VAV3: variants seen among roughly 807,000 people sequenced by gnomAD.
The protein encoded by VAV3 is guanine nucleotide exchange factor VAV3.
VAV3 carries 94 observed loss-of-function variants against 131.2 expected under a neutral mutation model. The ratio of observed to expected loss-of-function variants is 0.72; its 90% CI spans 0.61 to 0.85. VAV3 has a LOEUF of 0.85. Among genes scored for constraint, VAV3 ranks in the 40% least tolerant of loss-of-function variants. The pLI is 0.00. For synonymous variants in VAV3, 349 were observed against 342.0 expected (o/e 1.02, Z -0.22); for missense variants, 939 against 1,002.7 (o/e 0.94, Z 0.86).
At chr1:107,838,570 G>A (rs897866454) in intron 2 of VAV3, among the ~76,000 whole-genome samples, 10 of 152,142 alleles carry the variant, frequency 6.6e-5, no homozygotes, top group African/African-American at 2.4e-4. Context: ...GAGTCAAGTT[G>A]AACTACCATT....
chr1:107,703,912 G>A (rs1016923578), intron 17 of VAV3, among the ~76,000 whole-genome samples: 4 of 152,148 alleles, frequency 2.6e-5, no homozygotes, highest in African/African-American at 9.7e-5. Context: ...GAGCCCAAGA[G>A]GAGCAGAAAG....
At chr1:107,921,146 G>A (rs1672880480) in intron 1 of VAV3, among the ~76,000 whole-genome samples, 1 of 152,146 alleles carries the variant, frequency 6.6e-6, no homozygotes. Flanking sequence ...TCATCTGCGT[G>A]TCATACACGG....
intron 2 of VAV3, among the ~76,000 whole-genome samples, chr1:107,807,059 T>C (rs1667094382): frequency 6.6e-6 from 1 of 152,146 alleles, no homozygotes. Flanking sequence ...ATGTTTTCCA[T>C]CTCTGGTTGG....
intron 1 of VAV3, among the ~76,000 whole-genome samples, chr1:107,949,841 A>C (rs865870654): frequency 2.0e-5 from 3 of 152,198 alleles, no homozygotes; most frequent in Non-Finnish European, 4.4e-5. Context: ...GCTTTCTCAT[A>C]TTTGAAAGTT....
At chr1:107,585,306 T>C (rs1650397265) in intron 25 of VAV3, among the ~76,000 whole-genome samples, 1 of 152,228 alleles carries the variant, frequency 6.6e-6, no homozygotes, top group African/African-American at 2.4e-5. Context: ...TTACCTTGAT[T>C]GCTGTATGGG....
intron 20 of VAV3, among the ~76,000 whole-genome samples, chr1:107,632,363 C>A (rs1012530417): frequency 6.6e-6 from 1 of 152,156 alleles, no homozygotes; most frequent in African/African-American, 2.4e-5. Context: ...GTGGTAAGCA[C>A]TGCTCTGGTA....
intron 19 of VAV3, among the ~76,000 whole-genome samples, chr1:107,659,572 CTATA>C (rs1237658459): frequency 1.3e-5 from 2 of 152,068 alleles, no homozygotes; most frequent in African/African-American, 4.8e-5. Flanking sequence ...TTTTATTTAA[CTATA>C]TATGTAGATA....
chr1:107,851,834 G>A (rs1294115970), intron 2 of VAV3, among the ~76,000 whole-genome samples: 3 of 152,010 alleles, frequency 2.0e-5, no homozygotes, highest in Non-Finnish European at 2.9e-5. Context: ...TCAGTATAGC[G>A]CCTTGTTTAT....
chr1:107,707,431 C>T (rs999283031), intron 15 of VAV3, among the ~76,000 whole-genome samples: 7 of 152,196 alleles, frequency 4.6e-5, no homozygotes, highest in Non-Finnish European at 7.3e-5. Context: ...ATATATGTAA[C>T]GTGCTTAGAA....
At chr1:107,742,691 A>C (rs1169231354) in intron 15 of VAV3, among the ~76,000 whole-genome samples, 1 of 152,130 alleles carries the variant, frequency 6.6e-6, no homozygotes, top group Non-Finnish European at 1.5e-5. Context: ...TCTAACCATG[A>C]GGTTCAACTT....
chr1:107,635,457 C>T (rs1315441690), intron 20 of VAV3, among the ~76,000 whole-genome samples: 1 of 113,604 alleles, frequency 8.8e-6, no homozygotes, highest in Non-Finnish European at 1.6e-5. Flanking sequence ...ACATCACACA[C>T]TGGGGCCTGT....
chr1:107,677,711 T>C (rs1262847637), intron 19 of VAV3: 1 of 152,106 alleles, frequency 6.6e-6, no homozygotes, highest in African/African-American at 2.4e-5. Context: ...TGGCCCAGAG[T>C]AGGTTCTAAA....
At chr1:107,786,723 T>C (rs1405222205) in intron 2 of VAV3, among the ~76,000 whole-genome samples, 1 of 152,160 alleles carries the variant, frequency 6.6e-6, no homozygotes, top group Non-Finnish European at 1.5e-5. Flanking sequence ...GAAAGGATAG[T>C]ACACAGGATG....
At chr1:107,613,371 C>A (rs549736916) in intron 21 of VAV3, among the ~76,000 whole-genome samples, 4 of 152,026 alleles carry the variant, frequency 2.6e-5, no homozygotes, top group Admixed American at 6.6e-5. Flanking sequence ...TATCTCATCA[C>A]TCCATTTTCT....
At chr1:107,702,031 C>A (rs369403747) in intron 17 of VAV3, among the ~76,000 whole-genome samples, 5 of 152,300 alleles carry the variant, frequency 3.3e-5, no homozygotes, top group Non-Finnish European at 4.4e-5. Context: ...CAGTGCCCCC[C>A]ACTCTGGGTA....
chr1:107,586,772 T>C (rs1432727141), intron 25 of VAV3, among the ~76,000 whole-genome samples: 1 of 152,112 alleles, frequency 6.6e-6, no homozygotes, highest in Non-Finnish European at 1.5e-5. Context: ...GTATATAGTA[T>C]ATTTATTTTG....
At chr1:107,748,297 T>C (rs1478777322) in intron 15 of VAV3, among the ~76,000 whole-genome samples, 1 of 152,232 alleles carries the variant, frequency 6.6e-6, no homozygotes, top group East Asian at 1.9e-4. Context: ...ATTGTGTACC[T>C]TTCAATCCTT....
chr1:107,659,337 G>A (rs922595885), intron 19 of VAV3, among the ~76,000 whole-genome samples: 13 of 151,802 alleles, frequency 8.6e-5, no homozygotes, highest in South Asian at 8.3e-4. Context: ...TAGGAAATGC[G>A]AATGGAGATT....
chr1:107,625,916 A>T (rs1653983799), intron 20 of VAV3, among the ~76,000 whole-genome samples: 1 of 152,182 alleles, frequency 6.6e-6, no homozygotes. Flanking sequence ...TTTAGTCATT[A>T]TGGCAGAATG....
Sources: gnomAD v4.1 joint callset for allele counts (sites outside exome capture counted in the v4.1 genomes callset) on GRCh38, gnomAD v4.1.1 for gene constraint, MANE v1.5 for transcripts, NCBI Gene and HGNC (gene_info 2026-07-23, HGNC 2026-07-21) for gene names.